Variants in CMIP observed in about 807,000 individuals in gnomAD.
The protein encoded by CMIP is C-Maf-inducing protein.
Under a neutral mutation model 97.3 loss-of-function variants are expected in CMIP, and 13 were observed. The ratio of observed to expected loss-of-function variants is 0.13; its 90% CI spans 0.09 to 0.21. The LOEUF is 0.21. CMIP is among the 10% of genes least tolerant of loss of function. The pLI is 1.00. For missense variants in CMIP, 847 were observed against 1,024.9 expected (o/e 0.83, Z 2.37); for synonymous variants, 538 against 436.3 (o/e 1.23, Z -2.91).
intron 1 of CMIP, among the ~76,000 whole-genome samples, chr16:81,593,389 G>C (rs1428950525): frequency 6.6e-6 from 1 of 152,082 alleles, no homozygotes; most frequent in African/African-American, 2.4e-5. Context: ...TGGAGGGCGG[G>C]GGGAGTTTCT....
chr16:81,546,473 AAGG>A (rs1294970072), intron 1 of CMIP, among the ~76,000 whole-genome samples: 1 of 152,070 alleles, frequency 6.6e-6, no homozygotes, highest in Non-Finnish European at 1.5e-5. Flanking sequence ...CTTGGTGGGG[AAGG>A]AGAAGAGGCT....
At chr16:81,591,459 C>G (rs1254302966) in intron 1 of CMIP, among the ~76,000 whole-genome samples, 2 of 152,206 alleles carry the variant, frequency 1.3e-5, no homozygotes, top group Middle Eastern at 6.3e-3. Flanking sequence ...TCTTTCCATA[C>G]TGGCATCTGG....
chr16:81,662,111 TTAAA>T (rs1292260355), intron 6 of CMIP, among the ~76,000 whole-genome samples: 1 of 152,040 alleles, frequency 6.6e-6, no homozygotes, highest in African/African-American at 2.4e-5. Context: ...AAGAGTGGAA[TTAAA>T]TAACCCAGTA....
intron 3 of CMIP, chr16:81,645,381 G>GC: frequency 1.4e-6 from 2 of 1,458,546 alleles, no homozygotes; most frequent in Non-Finnish European, 1.8e-6. Flanking sequence ...AGCCCCAGAG[G>GC]CTGCGGCAGC....
chr16:81,636,353 C>T (rs1471835443), intron 3 of CMIP, among the ~76,000 whole-genome samples: 2 of 152,162 alleles, frequency 1.3e-5, no homozygotes, highest in African/African-American at 4.8e-5. Flanking sequence ...GAGGCTGAGG[C>T]AGGTGGCTCA....
intron 11 of CMIP, among the ~76,000 whole-genome samples, chr16:81,692,672 C>T (rs774502109): frequency 2.6e-5 from 4 of 152,216 alleles, no homozygotes; most frequent in South Asian, 2.1e-4. Context: ...TCCTAAGAGG[C>T]GCTCAGTCTC....
At chr16:81,678,688 G>C (rs1366061842) in intron 10 of CMIP, 60 bp downstream of exon 10, 2 of 754,136 alleles carry the variant, frequency 2.7e-6, no homozygotes, top group Non-Finnish European at 2.2e-6. Flanking sequence ...GGGCTTTGCT[G>C]CTGGGTGCGG....
intron 1 of CMIP, among the ~76,000 whole-genome samples, chr16:81,586,605 T>C (rs928564137): frequency 6.6e-6 from 1 of 151,652 alleles, no homozygotes; most frequent in Non-Finnish European, 1.5e-5. Context: ...TAATCAGTTT[T>C]TATGACTCAC....
intron 2 of CMIP, among the ~76,000 whole-genome samples, chr16:81,609,686 G>T (rs578174966): frequency 2.0e-5 from 3 of 152,360 alleles, no homozygotes; most frequent in East Asian, 3.9e-4. Flanking sequence ...ATTTGAACTG[G>T]GTGTAGAGGG....
At chr16:81,629,783 G>A (rs1289291031) in intron 3 of CMIP, among the ~76,000 whole-genome samples, 1 of 152,254 alleles carries the variant, frequency 6.6e-6, no homozygotes, top group Non-Finnish European at 1.5e-5. Context: ...AATGGCTGCA[G>A]AATCGTCCGT....
chr16:81,565,901 G>T (rs537689620), intron 1 of CMIP, among the ~76,000 whole-genome samples: 39 of 152,336 alleles, frequency 2.6e-4, no homozygotes, highest in African/African-American at 9.1e-4. Context: ...AGCGGGCACA[G>T]ATGTCACGGG....
At chr16:81,610,429 G>GA (rs2091812238) in intron 2 of CMIP, 1 of 985,980 alleles carries the variant, frequency 1.0e-6, no homozygotes, top group South Asian at 4.7e-5. Context: ...GGAAGCAGAG[G>GA]AAAAGGAGGA....
At chr16:81,605,165 G>T (rs945826178) in intron 1 of CMIP, among the ~76,000 whole-genome samples, 6 of 152,194 alleles carry the variant, frequency 3.9e-5, no homozygotes, top group Non-Finnish European at 8.8e-5. Flanking sequence ...CTGCAGAATA[G>T]GGAGAACAGA....
At chr16:81,662,038 G>A (rs112374271) in intron 6 of CMIP, among the ~76,000 whole-genome samples, 22 of 152,186 alleles carry the variant, frequency 1.4e-4, no homozygotes, top group African/African-American at 3.9e-4. Flanking sequence ...CACAGGCCCC[G>A]GGCTCCTCAG....
At chr16:81,624,916 C>T (rs2092040468) in intron 3 of CMIP, among the ~76,000 whole-genome samples, 1 of 152,186 alleles carries the variant, frequency 6.6e-6, no homozygotes. Flanking sequence ...TTGAGCTGTT[C>T]ACACACGGTT....
At chr16:81,494,471 G>A (rs991322650) in intron 1 of CMIP, among the ~76,000 whole-genome samples, 1 of 152,326 alleles carries the variant, frequency 6.6e-6, no homozygotes, top group East Asian at 1.9e-4. Context: ...CTTCTCTAGA[G>A]CTCTCCAGGG....
At position 81,501,913 on chromosome 16, in the gene CMIP, C is replaced by T. The variant is rs144542108; in HGVS notation, c.300+56372C>T. Among the ~76,000 whole-genome samples the T allele has an allele frequency of 6.5e-3, 988 of 152,294 alleles. 2 individuals are homozygous for T. Among genetic ancestry groups the T allele is most frequent in the Non-Finnish European group, 9.9e-3 (671 of 68,024 alleles). On this transcript the variant is annotated intron_variant, in intron 1 of 20. Coordinates refer to ENST00000537098, the MANE Select transcript of CMIP (RefSeq NM_198390.3). ...AGGCGTGAGCCATTCTGCTACTAAC[C>T]GGCAAGTGACTTAAGTCCTTGTGCC...
At chr16:81,592,739 C>T (rs955198670) in intron 1 of CMIP, among the ~76,000 whole-genome samples, 2 of 152,178 alleles carry the variant, frequency 1.3e-5, no homozygotes, top group African/African-American at 2.4e-5. Flanking sequence ...CTCCATGGAA[C>T]TGGGGAGTCT....
At chr16:81,585,598 T>G (rs1239435957) in intron 1 of CMIP, among the ~76,000 whole-genome samples, 1 of 152,188 alleles carries the variant, frequency 6.6e-6, no homozygotes, top group Non-Finnish European at 1.5e-5. Flanking sequence ...GCTTCTTTGA[T>G]TTAGGATCAC....
Sources: allele counts gnomAD v4.1 joint callset (sites outside exome capture counted in the v4.1 genomes callset), GRCh38; gene constraint gnomAD v4.1.1; transcripts MANE v1.5; gene names NCBI Gene and HGNC (gene_info 2026-07-23, HGNC 2026-07-21).